FAM78B: variants seen among roughly 807,000 people sequenced by gnomAD.
The protein encoded by FAM78B is protein FAM78B.
In FAM78B, 10 loss-of-function variants were observed where a neutral mutation model predicts 20.0. That is an observed-to-expected ratio of 0.50 (90% CI 0.31 to 0.85). The LOEUF is 0.85. FAM78B is among the 40% of genes least tolerant of loss of function. FAM78B has a pLI of 0.05. For missense variants in FAM78B, 283 were observed against 345.0 expected, an observed-to-expected ratio of 0.82 and a Z score of 1.42; for synonymous variants, 135 against 132.8, an observed-to-expected ratio of 1.02 and a Z score of -0.12.
chr1:166,159,452 G>A (rs1038448134), intron 1 of FAM78B, among the ~76,000 whole-genome samples: 2 of 152,164 alleles, frequency 1.3e-5, no homozygotes, highest in Non-Finnish European at 2.9e-5. Context: ...AGATCAGAAT[G>A]CAGTACGAAT....
chr1:166,159,262 C>T (rs1420053161), intron 1 of FAM78B, among the ~76,000 whole-genome samples: 1 of 152,120 alleles, frequency 6.6e-6, no homozygotes, highest in Non-Finnish European at 1.5e-5. Flanking sequence ...AGCCAGGACA[C>T]AGGGTCAGAA....
chr1:166,104,650 A>G (rs1418896348), intron 1 of FAM78B, among the ~76,000 whole-genome samples: 1 of 152,216 alleles, frequency 6.6e-6, no homozygotes, highest in Admixed American at 6.5e-5. Flanking sequence ...CTTACAAGGG[A>G]CGTGAAGGAC....
chr1:166,058,499 TTGTG>T (rs67247909), exon 3 of FAM78B: 28,659 of 145,914 alleles, frequency 0.2, 2,832 homozygotes, highest in Admixed American at 0.28. Context: ...TCCCTAGGCT[TTGTG>T]TGTGTGTGTG....
At chr1:166,060,860 T>C (rs544861486) in intron 2 of FAM78B, among the ~76,000 whole-genome samples, 4 of 152,288 alleles carry the variant, frequency 2.6e-5, no homozygotes, top group Non-Finnish European at 5.9e-5. Context: ...ATAACTTTCA[T>C]ATGGTTATTT....
intron 1 of FAM78B, among the ~76,000 whole-genome samples, chr1:166,115,380 G>C (rs1179755953): frequency 6.6e-6 from 1 of 152,246 alleles, no homozygotes; most frequent in East Asian, 1.9e-4. Context: ...GAGTGTTCCA[G>C]GCAGAGGGGA....
At chr1:166,142,595 G>A (rs2101790150) in intron 1 of FAM78B, among the ~76,000 whole-genome samples, 1 of 152,336 alleles carries the variant, frequency 6.6e-6, no homozygotes, top group Admixed American at 6.5e-5. Flanking sequence ...TTTCGTTTGT[G>A]ATTTGAGGAA....
intron 2 of FAM78B, chr1:166,060,812 G>A: frequency 3.0e-6 from 1 of 327,930 alleles, no homozygotes; most frequent in South Asian, 2.8e-5. Flanking sequence ...AAAAATTTTT[G>A]GTATTTATTT....
At chr1:166,078,865 T>C (rs1652443756) in intron 1 of FAM78B, among the ~76,000 whole-genome samples, 1 of 151,584 alleles carries the variant, frequency 6.6e-6, no homozygotes, top group Admixed American at 6.6e-5. Context: ...GGGCAGATTT[T>C]GAAATCTGCG....
chr1:166,096,829 A>G (rs1190290074), intron 1 of FAM78B, among the ~76,000 whole-genome samples: 1 of 152,180 alleles, frequency 6.6e-6, no homozygotes, highest in Admixed American at 6.5e-5. Context: ...TCTTCAAAAG[A>G]AAAAGAATGG....
chr1:166,155,150 A>T (rs1655844763), intron 1 of FAM78B, among the ~76,000 whole-genome samples: 1 of 152,140 alleles, frequency 6.6e-6, no homozygotes, highest in Non-Finnish European at 1.5e-5. Flanking sequence ...TTTGATTTAA[A>T]CCTTTTGTTT....
At chr1:166,071,938 G>A (rs764405606) in intron 1 of FAM78B, among the ~76,000 whole-genome samples, 10 of 152,156 alleles carry the variant, frequency 6.6e-5, no homozygotes, top group Non-Finnish European at 1.5e-4. Flanking sequence ...CCCAGTAAGG[G>A]CAGAAGTCTA....
chr1:166,143,035 A>G (rs1655334644), intron 1 of FAM78B, among the ~76,000 whole-genome samples: 1 of 152,146 alleles, frequency 6.6e-6, no homozygotes, highest in Non-Finnish European at 1.5e-5. Context: ...TTCAAATCTC[A>G]GCTCTTAGGA....
chr1:166,068,492 A>G (rs1651886267), downstream of FAM78B, among the ~76,000 whole-genome samples: 1 of 152,224 alleles, frequency 6.6e-6, no homozygotes, highest in East Asian at 1.9e-4. Context: ...CATAATTTGG[A>G]GCAGATCTCT....
intron 1 of FAM78B, among the ~76,000 whole-genome samples, chr1:166,074,221 G>C (rs6665464): frequency 0.15 from 23,033 of 152,106 alleles, 2,263 homozygotes; most frequent in East Asian, 0.43. Context: ...TCCATCATCT[G>C]GCCTCCCCAT....
At chr1:166,147,595 A>G (rs1450942628) in intron 1 of FAM78B, among the ~76,000 whole-genome samples, 5 of 152,122 alleles carry the variant, frequency 3.3e-5, no homozygotes, top group African/African-American at 1.2e-4. Context: ...TGGTGCAAGC[A>G]AGCAGGATTT....
chr1:166,081,251 G>A (rs967245417), intron 1 of FAM78B: 2 of 152,188 alleles, frequency 1.3e-5, no homozygotes, highest in African/African-American at 2.4e-5. Context: ...GTCCTGTTTA[G>A]GGTGAGTTCT....
chr1:166,080,431 G>A (rs965825575), intron 1 of FAM78B, among the ~76,000 whole-genome samples: 1 of 152,186 alleles, frequency 6.6e-6, no homozygotes, highest in African/African-American at 2.4e-5. Flanking sequence ...CTAAAGCTGA[G>A]TATATTAATA....
chr1:166,109,655 A>C (rs899576211), intron 1 of FAM78B, among the ~76,000 whole-genome samples: 1 of 151,082 alleles, frequency 6.6e-6, no homozygotes, highest in African/African-American at 2.4e-5. Flanking sequence ...CAGTCACACT[A>C]TTGAGTATCT....
rs1038943443 is a variant in FAM78B, at chr1:166,120,856, C to T, written c.263+45130G>A. ...GAGACTCCAGAACCCTGGCCATATC[C>T]GCCAACACCATTTGTCTTGTTCTTT... On this transcript the variant is annotated intron_variant, in intron 1 of 1. Transcript: ENST00000354422. 4.6e-5 allele frequency among the ~76,000 whole-genome samples: 7 copies of T among 152,338 alleles called. No individual in the cohort carries two copies. In the East Asian group the frequency reaches 5.8e-4, roughly 13 times the overall value.
Sources: gnomAD v4.1 joint callset for allele counts (sites outside exome capture counted in the v4.1 genomes callset) on GRCh38, gnomAD v4.1.1 for gene constraint, MANE v1.5 for transcripts, NCBI Gene and HGNC (gene_info 2026-07-23, HGNC 2026-07-21) for gene names.